CBFA2T2: variants seen among roughly 807,000 people sequenced by gnomAD.
The protein encoded by CBFA2T2 is CBFA2/RUNX1 partner transcriptional co-repressor 2.
A neutral mutation model predicts 62.2 loss-of-function variants in CBFA2T2; 11 were observed. The observed-to-expected ratio is 0.18, with a 90% confidence interval of 0.11 to 0.29. The LOEUF (loss-of-function observed/expected upper bound fraction) is 0.29. Among genes scored for constraint, CBFA2T2 ranks in the 10% least tolerant of loss-of-function variants. The pLI is 1.00. For synonymous variants in CBFA2T2, 295 were observed against 287.5 expected, an observed-to-expected ratio of 1.03 and a Z score of -0.27; for missense variants, 592 against 774.1, an observed-to-expected ratio of 0.76 and a Z score of 2.79.
chr20:33,612,855 G>A (rs992798028), intron 3 of CBFA2T2, among the ~76,000 whole-genome samples: 1 of 152,230 alleles, frequency 6.6e-6, no homozygotes, highest in Admixed American at 6.5e-5. Context: ...GGAAGCCAAG[G>A]TGGGAGGATT....
At chr20:33,554,846 TGTTTTCTATTAATTTAGATTG>T (rs919121073) in intron 1 of CBFA2T2, among the ~76,000 whole-genome samples, 1 of 152,156 alleles carries the variant, frequency 6.6e-6, no homozygotes, top group African/African-American at 2.4e-5. Flanking sequence ...ATTATTTTTC[TGTTTTCTATTAATTTAGATTG>T]AATGTCAGAG....
At chr20:33,530,852 G>A (rs6057865) in intron 1 of CBFA2T2, among the ~76,000 whole-genome samples, 134,662 of 151,978 alleles carry the variant, frequency 0.89, 61,359 homozygotes, top group Non-Finnish European at 1. Flanking sequence ...AGGCCGAGGC[G>A]GGCGGATCAT....
rs1009551304 is a variant in CBFA2T2, at chr20:33,603,921, G to A, written c.35-3035G>A. 6.6e-5 allele frequency among the ~76,000 whole-genome samples: 10 copies of A among 152,146 alleles called. No homozygotes were observed. In the South Asian group the frequency reaches 1.9e-3, roughly 28 times the overall value. ...CTATAATCCTGTGACCCCAGGCAGA[G>A]GGTTAAAATGCCTACTTTGGAACAT... On this transcript the variant is annotated intron_variant, in intron 1 of 10. Transcript: ENST00000342704.
chr20:33,624,725 G>A, intron 5 of CBFA2T2, 39 bp from the exon 6 acceptor site: 2 of 1,606,952 alleles, frequency 1.2e-6, no homozygotes, highest in South Asian at 1.1e-5. Flanking sequence ...ATGAACACTT[G>A]TTGACAGGAT....
chr20:33,625,864 AG>A (rs2016202516), intron 6 of CBFA2T2, among the ~76,000 whole-genome samples: 2 of 152,054 alleles, frequency 1.3e-5, no homozygotes, highest in African/African-American at 4.8e-5. Flanking sequence ...GCACTTTGGG[AG>A]GCTGAGGTGG....
rs373000548 is a variant in CBFA2T2 at position 33,579,643 on chromosome 20, T to C, written c.35-27313T>C. 7.9e-5 allele frequency among the ~76,000 whole-genome samples: 12 copies of C among 151,412 alleles called. No individual in the cohort carries two copies. In the East Asian group the frequency reaches 1.9e-3, roughly 25 times the overall value. On this transcript the variant is annotated intron_variant, in intron 1 of 10. Transcript: ENST00000342704. ...TCGAGTTCCAGCAATATTTGCTAAA[T>C]AGACTTTTCTTTCCCCATTGAGTTG...
Position 33,623,292 on chromosome 20 carries a change from G to A in CBFA2T2, c.688G>A (p.Glu230Lys). ...CGGAAATGGGAAGAGGCCCAGTCCA[G>A]AGAGGTGAGCAGATGAGCTTTGCTG... ...VHGNGKRPSP[E>K]RREENSFDRD... The change falls in exon 5 of 11, where the codon GAG (glutamate) becomes AAG (lysine). Residue 230 changes from glutamate to lysine, a missense_variant. By Grantham distance (56) the Glu-to-Lys change is moderately conservative. This residue lies in a region of CBFA2T2 where 449 missense variants were observed against 551.2 expected (regional missense o/e 0.81). Coordinates refer to ENST00000342704, the MANE Select transcript of CBFA2T2 (RefSeq NM_001032999.3). 6.2e-7 allele frequency: 1 copy of A among 1,614,202 alleles called. No homozygotes were observed. Among genetic ancestry groups the A allele is most frequent in the Non-Finnish European group, 8.5e-7 (1 of 1,180,042 alleles).
chr20:33,526,582 C>T lies in CBFA2T2; in HGVS notation c.34+36281C>T, dbSNP rs540615855. On this transcript the variant is annotated intron_variant, in intron 1 of 10. Transcript: ENST00000342704. ...TTTATGTGGACACGTTTTCATTTCT[C>T]TCACTGCGCCCAGCAATGAATACAT... 1.2e-4 allele frequency among the ~76,000 whole-genome samples: 19 copies of T among 152,300 alleles called. No individual in the cohort carries two copies. In the South Asian group the frequency reaches 3.9e-3, roughly 32 times the overall value.
At chr20:33,534,454 A>C (rs1469255169) in intron 1 of CBFA2T2, among the ~76,000 whole-genome samples, 1 of 152,122 alleles carries the variant, frequency 6.6e-6, no homozygotes, top group East Asian at 1.9e-4. Context: ...CTGGGACTAC[A>C]GGCACGCGCC....
chr20:33,551,266 G>C (rs890138724), intron 1 of CBFA2T2, among the ~76,000 whole-genome samples: 2 of 151,356 alleles, frequency 1.3e-5, no homozygotes, highest in Non-Finnish European at 2.9e-5. Flanking sequence ...GCCCAGGCTG[G>C]AGTGCAATGG....
intron 1 of CBFA2T2, among the ~76,000 whole-genome samples, chr20:33,536,972 C>T (rs1172424714): frequency 1.3e-5 from 2 of 151,496 alleles, no homozygotes; most frequent in African/African-American, 4.9e-5. Flanking sequence ...GACGGGATGG[C>T]GGCCGGGAAG....
intron 1 of CBFA2T2, among the ~76,000 whole-genome samples, chr20:33,531,615 CTG>C (rs926001711): frequency 2.0e-5 from 3 of 152,182 alleles, no homozygotes; most frequent in African/African-American, 7.2e-5. Flanking sequence ...AATCACAAAA[CTG>C]TGTAGGCATA....
At chr20:33,508,490 G>C (rs1433856852) in intron 1 of CBFA2T2, among the ~76,000 whole-genome samples, 2 of 152,062 alleles carry the variant, frequency 1.3e-5, no homozygotes. Context: ...AGGTAAACTT[G>C]TGTCATGGGC....
Position 33,628,388 on chromosome 20 carries a change from C to T in CBFA2T2, c.985C>T (p.Arg329Cys), listed in dbSNP as rs1050504741. Residue 329 changes from arginine to cysteine, a missense_variant, in exon 7 of 11, where the codon CGT (arginine) becomes TGT (cysteine). By Grantham distance (180) the Arg-to-Cys change is radical (BLOSUM62 -3). Coordinates refer to ENST00000342704, the MANE Select transcript of CBFA2T2 (RefSeq NM_001032999.3). ...GGYQDELVDH[R>C]LTEREWADEW... ...CTATCAAGATGAGTTGGTAGATCAT[C>T]GTTTGACAGAAAGGGAATGGGCTGA... The T allele has an allele frequency of 1.9e-6, 3 of 1,612,852 alleles. No homozygotes were observed. The highest frequency in any genetic ancestry group is 2.5e-6 in the Non-Finnish European group (3 of 1,178,960).
At chr20:33,549,290 TCAAC>T (rs1407129845) in intron 1 of CBFA2T2, among the ~76,000 whole-genome samples, 2 of 150,530 alleles carry the variant, frequency 1.3e-5, no homozygotes, top group Non-Finnish European at 3.0e-5. Flanking sequence ...AAAAAAAAAA[TCAAC>T]CATTTTGAAC....
intron 1 of CBFA2T2, among the ~76,000 whole-genome samples, chr20:33,524,603 T>TA (rs200999228): frequency 6.7e-5 from 10 of 150,268 alleles, no homozygotes; most frequent in African/African-American, 2.4e-4. Context: ...TTTTTAGGAT[T>TA]AAAAAAAAAA....
At chr20:33,547,686 A>ACTGTGTGT (rs1600955190) in intron 1 of CBFA2T2, among the ~76,000 whole-genome samples, 1 of 106,978 alleles carries the variant, frequency 9.3e-6, no homozygotes, top group African/African-American at 3.7e-5. Flanking sequence ...GTCTCAAAAA[A>ACTGTGTGT]ATGTGTGTGT....
Position 33,611,313 on chromosome 20 carries a change from G to A in CBFA2T2, c.398G>A (p.Arg133Gln), listed in dbSNP as rs549957667. Residue 133 changes from arginine (R) to glutamine (Q), a missense_variant, in exon 3 of 11, where the codon CGG becomes CAG. This residue lies in a region of CBFA2T2 where 449 missense variants were observed against 551.2 expected (regional missense o/e 0.81). Coordinates refer to ENST00000342704, the MANE Select transcript of CBFA2T2 (RefSeq NM_001032999.3). ...TCCCCTGAGATTGGGGAGAAGGTGC[G>A]GACTCTTGTTCTTGCACTGGTGGTA... ...DISPEIGEKV[R>Q]TLVLALVNST... 1.9e-5 allele frequency: 31 copies of A among 1,614,116 alleles called. No individual in the cohort carries two copies. Among genetic ancestry groups the A allele is most frequent in the South Asian group, 5.5e-5 (5 of 91,084 alleles).
At chr20:33,615,933 T>C (rs971298372) in intron 3 of CBFA2T2, among the ~76,000 whole-genome samples, 3 of 152,086 alleles carry the variant, frequency 2.0e-5, no homozygotes, top group African/African-American at 7.2e-5. Flanking sequence ...TTTCCTTAGC[T>C]GGCATAGTGG....
Sources: allele counts gnomAD v4.1 joint callset (sites outside exome capture counted in the v4.1 genomes callset), GRCh38; gene constraint gnomAD v4.1.1; regional missense constraint gnomAD v4.1.1; transcripts MANE v1.5; gene names NCBI Gene and HGNC (gene_info 2026-07-23, HGNC 2026-07-21).